The following AKAP12 variants were observed in gnomAD, a reference collection of about 807,000 sequenced individuals.
AKAP12 encodes A-kinase anchoring protein 12, also known as A-kinase anchor protein 12.
AKAP12 carries 32 observed loss-of-function variants against 79.9 expected under a neutral mutation model. That is an observed-to-expected ratio of 0.40 (90% CI 0.30 to 0.54). AKAP12 has a LOEUF of 0.54. Ranked by LOEUF, AKAP12 falls within the 20% of genes least tolerant of loss-of-function variation. AKAP12 has a pLI of 0.48. For synonymous variants in AKAP12, 808 were observed against 857.0 expected, an observed-to-expected ratio of 0.94 and a Z score of 1.00; for missense variants, 2,074 against 2,177.0, an observed-to-expected ratio of 0.95 and a Z score of 0.94.
chr6:151,240,952 G>A (rs1003105211), intron 2 of AKAP12, among the ~76,000 whole-genome samples: 1 of 152,210 alleles, frequency 6.6e-6, no homozygotes, highest in African/African-American at 2.4e-5. Context: ...TTTGTCGCGG[G>A]TCTCCAGGGG....
At chr6:151,272,200 C>T (rs1047388864) in intron 2 of AKAP12, among the ~76,000 whole-genome samples, 2 of 151,772 alleles carry the variant, frequency 1.3e-5, no homozygotes, top group Non-Finnish European at 2.9e-5. Flanking sequence ...AAGAAATTAG[C>T]CCAGTGTGGT....
At chr6:151,311,466 C>G (rs533857677) in intron 3 of AKAP12, among the ~76,000 whole-genome samples, 1 of 152,166 alleles carries the variant, frequency 6.6e-6, no homozygotes, top group Non-Finnish European at 1.5e-5. Context: ...AGGCGGCTCC[C>G]GGTGTGTGCA....
At chr6:151,275,095 C>T (rs1231190315) in intron 2 of AKAP12, among the ~76,000 whole-genome samples, 1 of 152,106 alleles carries the variant, frequency 6.6e-6, no homozygotes, top group Non-Finnish European at 1.5e-5. Context: ...CAGAGCAAGA[C>T]CCTGTCTCAA....
chr6:151,323,423 C>T (rs552617136), intron 3 of AKAP12, among the ~76,000 whole-genome samples: 19 of 152,128 alleles, frequency 1.2e-4, no homozygotes, highest in African/African-American at 4.3e-4. Flanking sequence ...TGGTGGCATG[C>T]GCCTGTAATC....
intron 2 of AKAP12, among the ~76,000 whole-genome samples, chr6:151,305,194 A>G (rs1379857858): frequency 6.9e-6 from 1 of 145,274 alleles, no homozygotes; most frequent in Non-Finnish European, 1.5e-5. Context: ...TTTAAAACCT[A>G]CTTGATTCAT....
intron 2 of AKAP12, among the ~76,000 whole-genome samples, chr6:151,260,916 G>T (rs949017258): frequency 6.6e-6 from 1 of 152,014 alleles, no homozygotes; most frequent in African/African-American, 2.4e-5. Context: ...CGCTTGAACC[G>T]GGGAGGTGGA....
intron 3 of AKAP12, among the ~76,000 whole-genome samples, chr6:151,319,310 A>G (rs1231526393): frequency 6.6e-6 from 1 of 151,846 alleles, no homozygotes; most frequent in Non-Finnish European, 1.5e-5. Context: ...ATCTATGTGC[A>G]TAGCATGCAG....
chr6:151,354,208 C>T (rs1778381024), intron 4 of AKAP12, among the ~76,000 whole-genome samples: 1 of 151,396 alleles, frequency 6.6e-6, no homozygotes, highest in African/African-American at 2.4e-5. Context: ...TATTAAACTG[C>T]CTGAAATATA....
rs2114828191 is a variant in AKAP12 at position 151,351,368 on chromosome 6, G to A, written c.2977G>A (p.Ala993Thr). ...GPLGAEEGTE[A>T]SAAEETTEMV... ...ATTGGGTGCCGAAGAAGGAACCGAA[G>A]CATCTGCTGCTGAAGAGACCACAGA... Residue 993 changes from alanine to threonine, a missense_variant, in exon 4 of 5, where the codon GCA becomes ACA. Around this residue, in one of 3 missense-constraint regions of AKAP12, gnomAD observed 1,428 missense variants for 1,451.0 expected, o/e 0.98. Coordinates refer to ENST00000402676, the MANE Select transcript of AKAP12 (RefSeq NM_005100.4). The surrounding 1 kb of genome is among the most constrained non-coding windows in gnomAD (Gnocchi z 4.4). The A allele has an allele frequency of 6.2e-7, 1 of 1,614,236 alleles. No homozygotes were observed. The highest frequency in any genetic ancestry group is 1.1e-5 in the South Asian group (1 of 91,088).
intron 2 of AKAP12, among the ~76,000 whole-genome samples, chr6:151,294,639 C>T (rs1331027723): frequency 1.3e-5 from 2 of 152,152 alleles, no homozygotes; most frequent in Non-Finnish European, 2.9e-5. Flanking sequence ...CTTTTTATTG[C>T]CCCCATCTCC....
chr6:151,275,380 T>C (rs1776273232), intron 2 of AKAP12, among the ~76,000 whole-genome samples: 2 of 152,016 alleles, frequency 1.3e-5, no homozygotes, highest in Admixed American at 1.3e-4. Flanking sequence ...TGTTGAGCCC[T>C]CAGAGTAACA....
chr6:151,296,499 A>G (rs1487247904), intron 2 of AKAP12, among the ~76,000 whole-genome samples: 1 of 152,222 alleles, frequency 6.6e-6, no homozygotes, highest in Non-Finnish European at 1.5e-5. Context: ...CACATCAGCC[A>G]GGTGCGGTGG....
chr6:151,278,909 C>T (rs1049655997), intron 2 of AKAP12, among the ~76,000 whole-genome samples: 4 of 152,116 alleles, frequency 2.6e-5, no homozygotes, highest in Admixed American at 6.5e-5. Flanking sequence ...CCTTGTGATC[C>T]GCCTGCCCCG....
chr6:151,275,678 TG>T (rs1776280010), intron 2 of AKAP12, among the ~76,000 whole-genome samples: 1 of 152,226 alleles, frequency 6.6e-6, no homozygotes, highest in African/African-American at 2.4e-5. Context: ...TCTTTTACGA[TG>T]GCATGATCAC....
rs147267829 is a variant in AKAP12 at position 151,352,652 on chromosome 6, C to G, written c.4261C>G (p.Leu1421Val). ...TCAGAGCTCTGAGGCATCATTCACTCTAACAGCGGCTGCAGAGGAGGAAAA... is the reference window on the plus strand; with the variant it reads ...TCAGAGCTCTGAGGCATCATTCACTGTAACAGCGGCTGCAGAGGAGGAAAA... Reference protein sequence around the residue: ...QVQSSEASFTLTAAAEEEKVL... With the variant: ...QVQSSEASFTVTAAAEEEKVL... The change falls in exon 4 of 5, where the codon CTA becomes GTA. Residue 1421 changes from leucine to valine, a missense_variant. By Grantham distance (32) the Leu-to-Val change is conservative. This residue lies in a region of AKAP12 where 614 missense variants were observed against 665.6 expected (regional missense o/e 0.92). Transcript: ENST00000402676. 24 of 1,614,066 alleles carry G rather than the reference C, an allele frequency of 1.5e-5. No individual in the cohort carries two copies. The African/African-American group carries it at 2.1e-4, about 14-fold the overall frequency.
chr6:151,325,805 C>T (rs201911728), intron 3 of AKAP12: 10 of 1,613,342 alleles, frequency 6.2e-6, no homozygotes, highest in Admixed American at 1.7e-5. Context: ...AGGCGTCTGC[C>T]GGGGAGGGCA....
intron 2 of AKAP12, among the ~76,000 whole-genome samples, chr6:151,291,537 C>G (rs191389860): frequency 1.6e-3 from 243 of 152,330 alleles, no homozygotes; most frequent in African/African-American, 5.1e-3. Context: ...CTGATAAACA[C>G]TGGCTGTGCT....
chr6:151,275,904 C>G (rs879485469), intron 2 of AKAP12, among the ~76,000 whole-genome samples: 1 of 152,200 alleles, frequency 6.6e-6, no homozygotes, highest in Non-Finnish European at 1.5e-5. Context: ...CCTCGTTGAT[C>G]TGGAAAGTTG....
chr6:151,307,279 G>C (rs888988123), intron 3 of AKAP12, among the ~76,000 whole-genome samples: 2 of 152,180 alleles, frequency 1.3e-5, no homozygotes, highest in African/African-American at 4.8e-5. Flanking sequence ...TTGTTCCCAA[G>C]ATGCAAATCC....
Sources: allele counts gnomAD v4.1 joint callset (sites outside exome capture counted in the v4.1 genomes callset), GRCh38; gene constraint gnomAD v4.1.1; regional missense constraint gnomAD v4.1.1; non-coding constraint Gnocchi (gnomAD v3.1); transcripts MANE v1.5; gene names NCBI Gene and HGNC (gene_info 2026-07-23, HGNC 2026-07-21).